Variants in AGBL4 observed in about 807,000 individuals in gnomAD.
AGBL4 encodes the protein AGBL carboxypeptidase 4.
Under a neutral mutation model 66.4 loss-of-function variants are expected in AGBL4, and 58 were observed. That is an observed-to-expected ratio of 0.87 (90% CI 0.71 to 1.09). The LOEUF (loss-of-function observed/expected upper bound fraction) is 1.09. AGBL4 is among the 50% of genes least tolerant of loss of function. The pLI is 0.00. For missense variants in AGBL4, 579 were observed against 631.0 expected, an observed-to-expected ratio of 0.92 and a Z score of 0.88; for synonymous variants, 234 against 222.9, an observed-to-expected ratio of 1.05 and a Z score of -0.44.
intron 2 of AGBL4, among the ~76,000 whole-genome samples, chr1:49,724,917 G>C (rs139567239): frequency 1.3e-5 from 2 of 152,024 alleles, no homozygotes; most frequent in African/African-American, 4.8e-5. Context: ...ATAAATTTCT[G>C]TTGTATAAGC....
intron 6 of AGBL4, among the ~76,000 whole-genome samples, chr1:48,719,637 A>C (rs549785703): frequency 1.3e-5 from 2 of 152,314 alleles, no homozygotes; most frequent in East Asian, 3.9e-4. Context: ...TCATACCTTG[A>C]AACATCTGAA....
At chr1:49,991,666 AG>A (rs1419357308) in intron 1 of AGBL4, among the ~76,000 whole-genome samples, 1 of 152,214 alleles carries the variant, frequency 6.6e-6, no homozygotes, top group Non-Finnish European at 1.5e-5. Context: ...TGCAAGTTCA[AG>A]GTGCCTAAAA....
At chr1:49,851,299 G>A (rs1646297375) in intron 2 of AGBL4, 97 bp downstream of exon 2, 4 of 1,260,378 alleles carry the variant, frequency 3.2e-6, no homozygotes, top group Admixed American at 7.5e-5. Context: ...AATATTAAAT[G>A]AGTTGAATTG....
At chr1:48,827,189 A>G (rs1646445300) in intron 6 of AGBL4, among the ~76,000 whole-genome samples, 2 of 152,166 alleles carry the variant, frequency 1.3e-5, no homozygotes, top group Admixed American at 6.5e-5. Context: ...CAGTATTTGA[A>G]TTTTAGTTGG....
chr1:48,654,769 T>C, intron 7 of AGBL4, among the ~76,000 whole-genome samples: 1 of 152,150 alleles, frequency 6.6e-6, no homozygotes, highest in Non-Finnish European at 1.5e-5. Flanking sequence ...ATCTCAGACT[T>C]TTCATTAGGC....
At chr1:49,093,445 A>AAAATATAGT (rs1283655432) in intron 4 of AGBL4, among the ~76,000 whole-genome samples, 10 of 152,326 alleles carry the variant, frequency 6.6e-5, no homozygotes, top group African/African-American at 2.2e-4. Flanking sequence ...CTAAGCACTG[A>AAAATATAGT]AAATATAGTA....
intron 1 of AGBL4, among the ~76,000 whole-genome samples, chr1:50,023,086 CCACA>C (rs2148456464): frequency 6.6e-6 from 1 of 151,724 alleles, no homozygotes; most frequent in South Asian, 2.1e-4. Flanking sequence ...ATCATTGAAC[CCACA>C]CACACTCACA....
chr1:48,867,246 C>T lies in AGBL4; in HGVS notation c.595-16G>A, dbSNP rs1648194702. 6.2e-7 allele frequency: 1 copy of T among 1,613,162 alleles called. No individual in the cohort carries two copies. Among genetic ancestry groups the T allele is most frequent in the Non-Finnish European group, 8.5e-7 (1 of 1,179,618 alleles). On this transcript the variant is annotated splice_polypyrimidine_tract_variant and intron_variant, in intron 5 of 13. Coordinates refer to ENST00000371839, the MANE Select transcript of AGBL4 (RefSeq NM_032785.4). ...TTCGTTGTTGCTGCAAAAGAAAACA[C>T]ACTGTGAGGGCACTGATTTGAGCCA...
intron 4 of AGBL4, among the ~76,000 whole-genome samples, chr1:49,083,653 A>G (rs1334348547): frequency 2.0e-5 from 3 of 152,166 alleles, no homozygotes; most frequent in African/African-American, 7.2e-5. Flanking sequence ...AAGTTTTCCA[A>G]CATGCTCTGG....
At chr1:48,884,301 T>TTTTG (rs1650080143) in intron 5 of AGBL4, among the ~76,000 whole-genome samples, 1 of 151,184 alleles carries the variant, frequency 6.6e-6, no homozygotes, top group Admixed American at 6.6e-5. Context: ...TTTGTTTGTT[T>TTTTG]TTTTGTTTTG....
At chr1:49,265,840 GAC>G (rs931234609) in intron 3 of AGBL4, among the ~76,000 whole-genome samples, 2 of 151,928 alleles carry the variant, frequency 1.3e-5, no homozygotes, top group African/African-American at 2.4e-5. Context: ...CGTGTGTATA[GAC>G]ACATATGTAT....
At chr1:49,394,886 T>G (rs1644922934) in intron 3 of AGBL4, among the ~76,000 whole-genome samples, 1 of 152,140 alleles carries the variant, frequency 6.6e-6, no homozygotes, top group Non-Finnish European at 1.5e-5. Context: ...AGGTGTTTAT[T>G]TTCATTCTGG....
intron 3 of AGBL4, among the ~76,000 whole-genome samples, chr1:49,595,777 A>C (rs959711028): frequency 6.6e-6 from 1 of 152,210 alleles, no homozygotes; most frequent in African/African-American, 2.4e-5. Flanking sequence ...AAACACAAAT[A>C]CAGTTTTTGT....
chr1:49,869,209 A>G (rs541100284), intron 1 of AGBL4, among the ~76,000 whole-genome samples: 1 of 152,346 alleles, frequency 6.6e-6, no homozygotes, highest in South Asian at 2.1e-4. Flanking sequence ...ACCTAGAACC[A>G]GAAATACCAT....
At chr1:49,769,129 G>A (rs995334817) in intron 2 of AGBL4, among the ~76,000 whole-genome samples, 4 of 152,112 alleles carry the variant, frequency 2.6e-5, no homozygotes, top group African/African-American at 4.8e-5. Context: ...TTACAGGCAT[G>A]AGCCACCACA....
chr1:49,443,282 A>C (rs1043964339), intron 3 of AGBL4, among the ~76,000 whole-genome samples: 6 of 152,020 alleles, frequency 3.9e-5, no homozygotes, highest in African/African-American at 1.4e-4. Flanking sequence ...ATTAAGTCAC[A>C]TTTGCCTATT....
At chr1:49,830,783 T>A (rs1333091136) in intron 2 of AGBL4, among the ~76,000 whole-genome samples, 2 of 152,206 alleles carry the variant, frequency 1.3e-5, no homozygotes. Context: ...TTAATTTTTG[T>A]ATAAGGTGTA....
Position 48,534,303 on chromosome 1 carries a change from G to C in AGBL4, c.1392-10C>G, listed in dbSNP as rs1643934818. On this transcript the variant is annotated splice_polypyrimidine_tract_variant and intron_variant, in intron 13 of 13. Transcript: ENST00000371839. ...AGGGGATTTTTCTTTCCTGCAAAGG[G>C]GGAGATAACAGAAAGAGAGAAGACA... The C allele has an allele frequency of 6.5e-7, 1 of 1,547,734 alleles. No individual in the cohort carries two copies. The highest frequency in any genetic ancestry group is 8.7e-7 in the Non-Finnish European group (1 of 1,145,466).
At chr1:48,603,463 C>T (rs1035636259) in intron 9 of AGBL4, among the ~76,000 whole-genome samples, 2 of 151,918 alleles carry the variant, frequency 1.3e-5, no homozygotes, top group African/African-American at 2.4e-5. Flanking sequence ...AGCAAGACTC[C>T]GTTTCAAAAT....
Sources: allele counts gnomAD v4.1 joint callset (sites outside exome capture counted in the v4.1 genomes callset), GRCh38; gene constraint gnomAD v4.1.1; transcripts MANE v1.5; gene names NCBI Gene and HGNC (gene_info 2026-07-23, HGNC 2026-07-21).